The following CUL1 variants were observed in gnomAD, a reference collection of about 807,000 sequenced individuals.
CUL1 encodes cullin 1, also known as cullin-1.
CUL1 carries 24 observed loss-of-function variants against 118.0 expected under a neutral mutation model. The observed-to-expected ratio is 0.20, with a 90% CI of 0.15 to 0.29. CUL1 has a LOEUF of 0.29. Ranked by LOEUF, CUL1 falls within the 10% of genes least tolerant of loss-of-function variation. The pLI is 1.00. For missense variants in CUL1, 361 were observed against 933.8 expected, an observed-to-expected ratio of 0.39 and a Z score of 7.99; for synonymous variants, 332 against 340.4, an observed-to-expected ratio of 0.98 and a Z score of 0.27.
At chr7:148,792,135 G>A (rs1245042457) in intron 16 of CUL1, among the ~76,000 whole-genome samples, 2 of 151,530 alleles carry the variant, frequency 1.3e-5, no homozygotes, top group African/African-American at 4.9e-5. Flanking sequence ...GCAGTGAGTC[G>A]AGATTGTGCC....
At chr7:148,771,148 A>C (rs1229830639) in intron 9 of CUL1, among the ~76,000 whole-genome samples, 1 of 152,178 alleles carries the variant, frequency 6.6e-6, no homozygotes, top group East Asian at 1.9e-4. Context: ...AGAACACTAT[A>C]TATGTTACAC....
intron 9 of CUL1, among the ~76,000 whole-genome samples, chr7:148,779,894 GC>G (rs1162885712): frequency 1.3e-5 from 2 of 152,180 alleles, no homozygotes; most frequent in African/African-American, 4.8e-5. Flanking sequence ...CTAATCAGCT[GC>G]CAGCGAATAT....
chr7:148,782,852 C>T (rs1316300518), intron 9 of CUL1, among the ~76,000 whole-genome samples: 1 of 152,208 alleles, frequency 6.6e-6, no homozygotes, highest in Admixed American at 6.5e-5. Flanking sequence ...TGCCGCGGCG[C>T]CTGGATCTGT....
In CUL1 at chr7:148,780,225, G is replaced by A. The variant is rs750149840; in HGVS notation, c.1084-3558G>A. Among the ~76,000 whole-genome samples the A allele has an allele frequency of 2.0e-4, 30 of 152,208 alleles. 1 individual carries two copies. The highest frequency in any genetic ancestry group is 3.4e-4 in the Non-Finnish European group (23 of 68,038). On this transcript the variant is annotated intron_variant, in intron 9 of 21. Coordinates refer to ENST00000325222, the MANE Select transcript of CUL1 (RefSeq NM_003592.3). ...TGTCGTGGTTCAGATAGTGATAGTG[G>A]CCCACTGGAGACTGGGCTGGTCGTG... is the stretch of plus-strand genomic sequence containing the variant.
chr7:148,753,820 G>A (rs1301145408), intron 2 of CUL1, among the ~76,000 whole-genome samples, 156 bp from the exon 3 acceptor site: 1 of 152,160 alleles, frequency 6.6e-6, no homozygotes, highest in African/African-American at 2.4e-5. Flanking sequence ...TTAGCTTTAT[G>A]GATAGTGTGA....
intron 2 of CUL1, among the ~76,000 whole-genome samples, chr7:148,744,951 A>T (rs765407103): frequency 1.3e-5 from 2 of 151,390 alleles, no homozygotes; most frequent in Non-Finnish European, 2.9e-5. Flanking sequence ...TGGCCTTTGT[A>T]GTTTTTGATG....
At chr7:148,794,335 C>T (rs1230804321) in intron 17 of CUL1, among the ~76,000 whole-genome samples, 1 of 151,946 alleles carries the variant, frequency 6.6e-6, no homozygotes, top group African/African-American at 2.4e-5. Context: ...CTATTCTCTC[C>T]CTATTGTTTG....
chr7:148,795,682 A>G (rs1253584652), intron 17 of CUL1, among the ~76,000 whole-genome samples: 1 of 150,704 alleles, frequency 6.6e-6, no homozygotes, highest in African/African-American at 2.4e-5. Context: ...AGGCGAGAGA[A>G]TGGTGTGAAC....
At chr7:148,778,097 A>AAAAAAAAAAAC (rs1800474885) in intron 9 of CUL1, among the ~76,000 whole-genome samples, 1 of 58,384 alleles carries the variant, frequency 1.7e-5, no homozygotes, top group African/African-American at 8.4e-5. Flanking sequence ...AAAAAAAAAA[A>AAAAAAAAAAAC]GAAGAAGAAG....
rs772840982 is a variant in CUL1, at chr7:148,788,642, A to G, written c.1565A>G (p.Lys522Arg). The change falls in exon 14 of 22, where the codon AAA becomes AGA. Residue 522 changes from lysine to arginine, a missense_variant. By Grantham distance (26) the Lys-to-Arg change is conservative. This residue lies in a region of CUL1 where 84 missense variants were observed against 203.3 expected (regional missense o/e 0.41). Coordinates refer to ENST00000325222, the MANE Select transcript of CUL1 (RefSeq NM_003592.3). The part of the protein sequence containing the change: ...GVSKDLNEQF[K>R]KHLTNSEPLD... ...AGCAAAGATCTGAACGAGCAATTCA[A>G]AAAGCACTTGACAAACTCAGAACCC... The G allele has an allele frequency of 1.5e-5, 25 of 1,613,966 alleles. No homozygotes were observed. In the Admixed American group the frequency reaches 4.0e-4, roughly 26 times the overall value.
intron 9 of CUL1, among the ~76,000 whole-genome samples, chr7:148,774,815 ATGT>A (rs751197140): frequency 2.6e-5 from 4 of 152,186 alleles, no homozygotes; most frequent in Admixed American, 6.5e-5. Flanking sequence ...CTGGGGAGAA[ATGT>A]TGTGAACTTT....
chr7:148,793,932 T>TC (rs1801101169), intron 17 of CUL1, among the ~76,000 whole-genome samples: 3 of 152,210 alleles, frequency 2.0e-5, no homozygotes, highest in Non-Finnish European at 4.4e-5. Flanking sequence ...TAAAAAAAAT[T>TC]ATAGCCATCC....
At chr7:148,723,898 G>A (rs546985187) in intron 1 of CUL1, among the ~76,000 whole-genome samples, 1 of 151,932 alleles carries the variant, frequency 6.6e-6, no homozygotes, top group Admixed American at 6.6e-5. Context: ...GGCTAAGTAA[G>A]TTTGAGGGAA....
chr7:148,785,855 C>T (rs187845249), intron 11 of CUL1, among the ~76,000 whole-genome samples: 1 of 152,188 alleles, frequency 6.6e-6, no homozygotes, highest in East Asian at 1.9e-4. Context: ...ACACCCCTGA[C>T]CCAAGAGTGC....
At chr7:148,747,910 A>G (rs1799355533) in intron 2 of CUL1, among the ~76,000 whole-genome samples, 1 of 152,250 alleles carries the variant, frequency 6.6e-6, no homozygotes, top group Non-Finnish European at 1.5e-5. Context: ...TATAGAAGGT[A>G]ACATGAAAAT....
Position 148,722,487 on chromosome 7 carries a change from C to T in CUL1, c.-161-7475C>T, listed in dbSNP as rs188741155. On this transcript the variant is annotated intron_variant, in intron 1 of 21. Transcript: ENST00000325222. ...CCCTTAAAGCCCTCTCCAGATGTGG[C>T]TGTTCCTGTCCCCCGCCATCCTGCA... Among the ~76,000 whole-genome samples, 667 of 152,318 alleles carry T rather than the reference C, an allele frequency of 4.4e-3. 6 individuals carry two copies. The highest frequency in any genetic ancestry group is 0.015 in the African/African-American group (638 of 41,576).
At chr7:148,707,804 T>A (rs147128857) in intron 1 of CUL1, among the ~76,000 whole-genome samples, 2,348 of 152,338 alleles carry the variant, frequency 0.015, 49 homozygotes, top group African/African-American at 0.053. Flanking sequence ...TCAATACTTC[T>A]CTTGAAGGCA....
At chr7:148,797,107 C>T (rs929846024) in intron 17 of CUL1, among the ~76,000 whole-genome samples, 2 of 152,104 alleles carry the variant, frequency 1.3e-5, no homozygotes, top group African/African-American at 4.8e-5. Context: ...AGATGAGAGG[C>T]CACACAACGT....
At chr7:148,749,121 T>G (rs1799398520) in intron 2 of CUL1, among the ~76,000 whole-genome samples, 1 of 152,004 alleles carries the variant, frequency 6.6e-6, no homozygotes, top group African/African-American at 2.4e-5. Flanking sequence ...AAGGCATATG[T>G]AAGGAAAGAA....
Sources: allele counts gnomAD v4.1 joint callset (sites outside exome capture counted in the v4.1 genomes callset), GRCh38; gene constraint gnomAD v4.1.1; regional missense constraint gnomAD v4.1.1; transcripts MANE v1.5; gene names NCBI Gene and HGNC (gene_info 2026-07-23, HGNC 2026-07-21).